SNCAIP: variants seen among roughly 807,000 people sequenced by gnomAD.
SNCAIP encodes synuclein alpha interacting protein, also known as synphilin-1.
SNCAIP carries 43 observed loss-of-function variants against 86.7 expected under a neutral mutation model. The observed-to-expected ratio is 0.50, with a 90% confidence interval of 0.39 to 0.64. The LOEUF (loss-of-function observed/expected upper bound fraction) is 0.64. Ranked by LOEUF, SNCAIP falls within the 30% of genes least tolerant of loss-of-function variation. The probability of loss-of-function intolerance (pLI) is 0.00; values close to 1 mark genes in which losing one functional copy is unlikely to be tolerated. For synonymous variants in SNCAIP, 417 were observed against 427.2 expected (o/e 0.98, Z 0.29); for missense variants, 981 against 1,103.1 (o/e 0.89, Z 1.57).
In SNCAIP at chr5:122,403,905, A is replaced by G. The variant is rs779886591; in HGVS notation, c.130+40A>G. 4.0e-5 allele frequency: 59 copies of G among 1,466,048 alleles called. 1 individual carries two copies. The highest frequency in any genetic ancestry group is 1.7e-4 in the Middle Eastern group (1 of 5,822). The allele number at this position is 1,466,048 out of a possible 1,614,324, so 90.8% of individuals were successfully genotyped here. A position where few individuals can be genotyped will look rare whatever the true frequency, so the allele number is the denominator to read the frequency against. On this transcript the variant is annotated intron_variant, in intron 3 of 10. Coordinates refer to ENST00000261368, the MANE Select transcript of SNCAIP (RefSeq NM_005460.4). The stretch of plus-strand genomic sequence containing the variant: ...TCCCCTCTTCTCCTTATCCTGGCTC[A>G]GTGTTAATGGCTCCTGGAAAGCTGT...
chr5:122,437,986 TG>T (rs762434918), intron 6 of SNCAIP, among the ~76,000 whole-genome samples: 1 of 152,202 alleles, frequency 6.6e-6, no homozygotes, highest in Non-Finnish European at 1.5e-5. Context: ...GGCATTTTTT[TG>T]TGTATGTGGA....
At chr5:122,432,373 T>C (rs1398079490) in intron 6 of SNCAIP, among the ~76,000 whole-genome samples, 1 of 152,154 alleles carries the variant, frequency 6.6e-6, no homozygotes, top group Admixed American at 6.6e-5. Flanking sequence ...GATACAAAAC[T>C]GGTCCTATAA....
chr5:122,444,015 C>A, intron 7 of SNCAIP: 1 of 455,520 alleles, frequency 2.2e-6, no homozygotes, highest in Non-Finnish European at 4.4e-6. Context: ...ATGTCCTCAC[C>A]ATAGCCCATT....
At chr5:122,375,332 T>C (rs1339642493) in intron 1 of SNCAIP, among the ~76,000 whole-genome samples, 1 of 152,138 alleles carries the variant, frequency 6.6e-6, no homozygotes, top group African/African-American at 2.4e-5. Context: ...ATTAAAAATA[T>C]ATGGCTGGGT....
chr5:122,380,262 T>G (rs1257870719), intron 1 of SNCAIP, among the ~76,000 whole-genome samples: 173 of 152,262 alleles, frequency 1.1e-3, no homozygotes, highest in African/African-American at 2.7e-3. Context: ...TCCTGGTTTA[T>G]TCTTGGGAGA....
Position 122,423,110 on chromosome 5 carries a change from G to A in SNCAIP, c.373G>A (p.Gly125Arg), listed in dbSNP as rs1202447814. 17 of 1,614,036 alleles carry A rather than the reference G, an allele frequency of 1.1e-5. No individual in the cohort carries two copies. The highest frequency in any genetic ancestry group is 1.4e-5 in the Non-Finnish European group (17 of 1,180,030). ...GCCTCAGGAGCTTGGCCCTGGAGAT[G>A]GAGTGGGCGGCCCACCAGGTAAGAG... ...PQPQELGPGD[G>R]VGGPPGKSSE... Residue 125 changes from glycine to arginine, a missense_variant, in exon 4 of 11, where the codon GGA (glycine) becomes AGA (arginine). Gly to Arg is a moderately radical substitution (Grantham distance 125). Transcript: ENST00000261368.
chr5:122,361,461 T>G (rs570752059), intron 1 of SNCAIP, among the ~76,000 whole-genome samples: 70 of 152,316 alleles, frequency 4.6e-4, no homozygotes, highest in Non-Finnish European at 8.7e-4. Context: ...AAGGAAGGTT[T>G]AAAACCTTCC....
chr5:122,370,597 T>C (rs1764093554), intron 1 of SNCAIP, among the ~76,000 whole-genome samples: 2 of 152,166 alleles, frequency 1.3e-5, no homozygotes, highest in African/African-American at 4.8e-5. Context: ...TGTTTCATAG[T>C]TATCAACAGA....
At chr5:122,386,878 A>C (rs529913350) in intron 1 of SNCAIP, among the ~76,000 whole-genome samples, 2 of 152,296 alleles carry the variant, frequency 1.3e-5, no homozygotes, top group South Asian at 4.1e-4. Flanking sequence ...ACAAATCAAG[A>C]ATTGCCAATG....
intron 1 of SNCAIP, chr5:122,321,306 TATG>T (rs1752884754): frequency 1.3e-5 from 2 of 152,196 alleles, no homozygotes; most frequent in African/African-American, 4.8e-5. Flanking sequence ...AAATTTGGTG[TATG>T]TTTTTTACTT....
At chr5:122,332,134 C>T (rs1755486634) in intron 1 of SNCAIP, among the ~76,000 whole-genome samples, 1 of 152,208 alleles carries the variant, frequency 6.6e-6, no homozygotes, top group Non-Finnish European at 1.5e-5. Flanking sequence ...AATTTTAAAT[C>T]ATTCTCCAAC....
chr5:122,357,395 C>T (rs1293482686), intron 1 of SNCAIP, among the ~76,000 whole-genome samples: 1 of 151,936 alleles, frequency 6.6e-6, no homozygotes, highest in Non-Finnish European at 1.5e-5. Context: ...ACCACCATGC[C>T]CAGCTAATTT....
chr5:122,378,126 C>T (rs1765775120), intron 1 of SNCAIP, among the ~76,000 whole-genome samples: 1 of 147,878 alleles, frequency 6.8e-6, no homozygotes, highest in Non-Finnish European at 1.5e-5. Flanking sequence ...CTGACTTCCA[C>T]AATGGTTGAA....
chr5:122,414,358 G>A (rs570782393), intron 3 of SNCAIP, among the ~76,000 whole-genome samples: 16 of 151,750 alleles, frequency 1.1e-4, no homozygotes, highest in African/African-American at 3.1e-4. Context: ...AGCCTCCTGA[G>A]TAGCTGGGAT....
intron 1 of SNCAIP, among the ~76,000 whole-genome samples, chr5:122,382,830 G>C (rs1272910616): frequency 2.6e-5 from 4 of 152,248 alleles, no homozygotes; most frequent in Admixed American, 6.5e-5. Context: ...CCCCTGCTGG[G>C]GTTGCCTCCC....
chr5:122,424,841 G>C (rs936003111), intron 4 of SNCAIP, among the ~76,000 whole-genome samples: 1 of 152,206 alleles, frequency 6.6e-6, no homozygotes, highest in Non-Finnish European at 1.5e-5. Flanking sequence ...GATACCCCCA[G>C]GAGTTTGTTT....
chr5:122,350,028 T>C (rs560927356), intron 1 of SNCAIP, among the ~76,000 whole-genome samples: 1 of 152,182 alleles, frequency 6.6e-6, no homozygotes, highest in Non-Finnish European at 1.5e-5. Flanking sequence ...CAGCAAGTTC[T>C]TATGAAGTTA....
intron 1 of SNCAIP, among the ~76,000 whole-genome samples, chr5:122,368,982 G>T (rs972826586): frequency 1.3e-5 from 2 of 152,198 alleles, no homozygotes; most frequent in African/African-American, 4.8e-5. Flanking sequence ...CCCGGCCAGC[G>T]AACTAATCAG....
chr5:122,387,627 C>T (rs773351175), intron 1 of SNCAIP, among the ~76,000 whole-genome samples: 4 of 152,204 alleles, frequency 2.6e-5, no homozygotes, highest in African/African-American at 4.8e-5. Context: ...GCACTTGGCA[C>T]GGCTTCCTCC....
Sources: allele counts gnomAD v4.1 joint callset (sites outside exome capture counted in the v4.1 genomes callset), GRCh38; gene constraint gnomAD v4.1.1; transcripts MANE v1.5; gene names NCBI Gene and HGNC (gene_info 2026-07-23, HGNC 2026-07-21).